PKD1: variants seen among roughly 807,000 people sequenced by gnomAD.
PKD1 encodes polycystin 1, transient receptor potential channel interacting.
In PKD1, 81 loss-of-function variants were observed where a neutral mutation model predicts 361.7. The ratio of observed to expected loss-of-function variants is 0.22; its 90% CI spans 0.19 to 0.27. PKD1 has a LOEUF of 0.27. PKD1 is among the 10% of genes least tolerant of loss of function. PKD1 has a pLI of 1.00. For missense variants in PKD1, 6,399 were observed against 6,118.3 expected (o/e 1.05, Z -1.53); for synonymous variants, 3,615 against 2,818.3 (o/e 1.28, Z -8.95).
chr16:2,118,666 C>T lies in PKD1; in HGVS notation c.529+10G>A, dbSNP rs548778512. ...GAAGGACAGAGCTGGCCCCACCCACCGGCACTCACCACAGCCACTGTCCAG... is the reference window on the plus strand; with the variant it reads ...GAAGGACAGAGCTGGCCCCACCCACTGGCACTCACCACAGCCACTGTCCAG... On this transcript the variant is annotated intron_variant, in intron 4 of 45. Transcript: ENST00000262304. This position sits in a 1 kb window ranked among gnomAD's most constrained non-coding sequence, Gnocchi z 6.0. 1.0e-4 allele frequency: 138 copies of T among 1,382,164 alleles called. No homozygotes were observed. The highest frequency in any genetic ancestry group is 1.3e-4 in the Non-Finnish European group (127 of 1,005,998). The allele number at this position is 1,382,164 out of a possible 1,614,324, so 85.6% of individuals were successfully genotyped here.
At position 2,103,909 on chromosome 16, in the gene PKD1, T is replaced by C. The variant is rs962962096; in HGVS notation, c.8162-14A>G. On this transcript the variant is annotated splice_polypyrimidine_tract_variant and intron_variant, in intron 22 of 45. Transcript: ENST00000262304. Reference sequence around the variant, plus strand: ...GGATGAGGTCTCCTGCAGACATGCGTGAGGTCAGTGCAGAGACAGGGAGGT... The same window carrying C: ...GGATGAGGTCTCCTGCAGACATGCGCGAGGTCAGTGCAGAGACAGGGAGGT... The C allele has an allele frequency of 6.8e-6, 10 of 1,469,168 alleles. No individual in the cohort carries two copies. The highest frequency in any genetic ancestry group is 9.0e-6 in the Non-Finnish European group (10 of 1,112,492). The allele number at this position is 1,469,168 out of a possible 1,614,324, so 91.0% of individuals were successfully genotyped here.
At chr16:2,099,260 C>T (rs2091985230) in intron 30 of PKD1, 3 of 358,066 alleles carry the variant, frequency 8.4e-6, no homozygotes, top group South Asian at 6.4e-5. Context: ...CCACACCCGG[C>T]CCGGCCACTG....
rs116820407 is a variant in PKD1 at position 2,089,778 on chromosome 16, G to T, written c.12861C>A (p.Pro4287=). 7.5e-6 allele frequency: 12 copies of T among 1,597,774 alleles called. No homozygotes were observed. The Admixed American group carries it at 1.0e-4, about 14-fold the overall frequency. ...TCTTGGCCCGAAGGGGTGTCCTGCT[G>T]GGGCCAGTGGCCAGGTCCACACCCC... ...ASRGVDLATG[P]SRTPLRAKNK... is the part of the protein sequence containing the mutation. The change falls in exon 46 of 46, where the codon CCC becomes CCA. Residue 4287 remains proline (P), a synonymous_variant. Coordinates refer to ENST00000262304, the MANE Select transcript of PKD1 (RefSeq NM_001009944.3).
In PKD1 at chr16:2,089,001, T is replaced by C. The variant is rs1472816591; in HGVS notation, c.*726A>G. 8 of 247,212 alleles carry C rather than the reference T, an allele frequency of 3.2e-5. No individual in the cohort carries two copies. The highest frequency in any genetic ancestry group is 6.4e-5 in the Non-Finnish European group (8 of 125,110). The allele number at this position is 247,212 out of a possible 1,614,324, so 15.3% of individuals were successfully genotyped here. On this transcript the variant is annotated 3_prime_UTR_variant, in exon 46 of 46. Coordinates refer to ENST00000262304, the MANE Select transcript of PKD1 (RefSeq NM_001009944.3). ...CCTAGTCCTGCTACTTGCCCAGACCTGATGCCAGCAGGCCTGGGCGCTGCT... is the reference window on the plus strand; with the variant it reads ...CCTAGTCCTGCTACTTGCCCAGACCCGATGCCAGCAGGCCTGGGCGCTGCT...
chr16:2,110,743 C>T lies in PKD1; in HGVS notation c.4424G>A (p.Gly1475Asp). ...PVLVTSIKVN[G>D]SLGLELQQPY... ...CTGCTGCAGCTCCAGCCCAAGGGAGCCATTGACCTTGATGCTGGTGACCAG... is the reference window on the plus strand; with the variant it reads ...CTGCTGCAGCTCCAGCCCAAGGGAGTCATTGACCTTGATGCTGGTGACCAG... The change falls in exon 15 of 46, where the codon GGC (glycine) becomes GAC (aspartate). Residue 1475 changes from glycine to aspartate, a missense_variant. By Grantham distance (94) the Gly-to-Asp change is moderately conservative (BLOSUM62 -1). Transcript: ENST00000262304. 1 of 1,610,422 alleles carries T rather than the reference C, an allele frequency of 6.2e-7. No homozygotes were observed. The highest frequency in any genetic ancestry group is 1.3e-5 in the African/African-American group (1 of 74,980).
Position 2,110,476 on chromosome 16 carries a change from C to G in PKD1, c.4691G>C (p.Gly1564Ala), listed in dbSNP as rs1310400744. 1 of 1,612,510 alleles carries G rather than the reference C, an allele frequency of 6.2e-7. No homozygotes were observed. ...NASRTVVPLN[G>A]SVSFSTSLEA... ...CAGCGACGTGCTGAAGCTCACGCTCCCATTCAGGGGCACCACCGTGCGGCT... is the reference window on the plus strand; with the variant it reads ...CAGCGACGTGCTGAAGCTCACGCTCGCATTCAGGGGCACCACCGTGCGGCT... Residue 1564 changes from glycine to alanine, a missense_variant, in exon 15 of 46, where the codon GGG becomes GCG. By Grantham distance (60) the Gly-to-Ala change is moderately conservative. Coordinates refer to ENST00000262304, the MANE Select transcript of PKD1 (RefSeq NM_001009944.3).
At position 2,119,188 on chromosome 16, in the gene PKD1, G is replaced by A. The variant is rs761782478; in HGVS notation, c.288-3C>T. Reference sequence around the variant, plus strand: ...AAATCTTGTTGTTGCTTATATCCCTGGAAGAGACGGGGGATTCGGCAAAGC... The same window carrying A: ...AAATCTTGTTGTTGCTTATATCCCTAGAAGAGACGGGGGATTCGGCAAAGC... On this transcript the variant is annotated splice_region_variant and splice_polypyrimidine_tract_variant and intron_variant, in intron 2 of 45. Coordinates refer to ENST00000262304, the MANE Select transcript of PKD1 (RefSeq NM_001009944.3). 1.9e-6 allele frequency: 3 copies of A among 1,556,600 alleles called. No homozygotes were observed. The highest frequency in any genetic ancestry group is 1.1e-5 in the South Asian group (1 of 89,868).
chr16:2,091,311 G>GCTGCGAGGGCGGGGCC (rs2091545784), intron 42 of PKD1, 112 bp downstream of exon 42: 1 of 429,190 alleles, frequency 2.3e-6, no homozygotes, highest in African/African-American at 2.8e-5. Context: ...GGGGCGGGAC[G>GCTGCGAGGGCGGGGCC]CTGCGAGGGG....
intron 10 of PKD1, 186 bp from the exon 11 acceptor site, chr16:2,115,111 A>C: frequency 1.0e-6 from 1 of 982,064 alleles, no homozygotes. Context: ...CGGGGAGAGG[A>C]CACAGGCCAA....
In PKD1 at chr16:2,126,196, C is replaced by T. The variant is rs570088023; in HGVS notation, c.216-6818G>A. Among the ~76,000 whole-genome samples, 507 of 152,358 alleles carry T rather than the reference C, an allele frequency of 3.3e-3. 5 individuals carry two copies. Among genetic ancestry groups the T allele is most frequent in the African/African-American group, 0.011 (467 of 41,584 alleles). On this transcript the variant is annotated intron_variant, in intron 1 of 45. Transcript: ENST00000262304. ...ATGCACAGTGGACGGGCTCAGAACC[C>T]GGAGCCCCTGTACTCCCACAGCTGT...
In PKD1 at chr16:2,110,539, G is replaced by C; in HGVS notation, c.4628C>G (p.Thr1543Arg). ...GAGCCCCCGCACGCGCCGCTTCACC[G>C]TCACATTGAGCCAGGCCTCGCTGCG... is the stretch of plus-strand genomic sequence containing the variant. The part of the protein sequence containing the change: ...VSRSEAWLNV[T>R]VKRRVRGLVV... The change falls in exon 15 of 46, where the codon ACG (threonine) becomes AGG (arginine). Residue 1543 changes from threonine (T) to arginine (R), a missense_variant. Transcript: ENST00000262304. 1 of 1,611,630 alleles carries C rather than the reference G, an allele frequency of 6.2e-7. No homozygotes were observed.
chr16:2,124,608 CAG>C (rs2092770589), intron 1 of PKD1, among the ~76,000 whole-genome samples: 1 of 152,238 alleles, frequency 6.6e-6, no homozygotes, highest in African/African-American at 2.4e-5. Context: ...AGACCTGCCT[CAG>C]AGTCTCACAC....
chr16:2,093,212 G>T, intron 37 of PKD1, 119 bp from the exon 38 acceptor site: 1 of 1,261,594 alleles, frequency 7.9e-7, no homozygotes, highest in South Asian at 1.2e-5. Flanking sequence ...GAGCTGGCAG[G>T]GGGCGCCCCA....
rs191690229 is a variant in PKD1, at chr16:2,114,053, C to T, written c.2853+117G>A. 1.9e-3 allele frequency: 1,666 copies of T among 895,662 alleles called. 11 individuals carry two copies. In the African/African-American group the frequency reaches 0.024, roughly 13 times the overall value. 55.5% of individuals were successfully genotyped at this position (895,662 alleles called of 1,614,324 possible). On this transcript the variant is annotated intron_variant, in intron 11 of 45. Transcript: ENST00000262304. Reference sequence around the variant, plus strand: ...GCCAGCAGGACCTGCCCGGGGCCGACGTCCCCAGTAACTGGGCTGCTGCCC... The same window carrying T: ...GCCAGCAGGACCTGCCCGGGGCCGATGTCCCCAGTAACTGGGCTGCTGCCC...
chr16:2,099,622 C>T (rs747989916), intron 30 of PKD1, 22 bp downstream of exon 30: 21 of 1,578,788 alleles, frequency 1.3e-5, no homozygotes, highest in African/African-American at 2.7e-5. Flanking sequence ...CCAGTACTCC[C>T]GGGTCCCCAG....
Position 2,090,388 on chromosome 16 carries a change from C to T in PKD1, c.12341G>A (p.Arg4114His), listed in dbSNP as rs776140570. ...CCAGGCCGGCCGGTACAGCTCTCCACGCAAGGCGTGGTAGCGCCAGCGGAG... is the reference window on the plus strand; with the variant it reads ...CCAGGCCGGCCGGTACAGCTCTCCATGCAAGGCGTGGTAGCGCCAGCGGAG... ...VILRWRYHALRGELYRPAWEP... is the reference protein window; with the variant it reads ...VILRWRYHALHGELYRPAWEP... The change falls in exon 45 of 46, where the codon CGT (arginine) becomes CAT (histidine). Residue 4114 changes from arginine (R) to histidine (H), a missense_variant. Transcript: ENST00000262304. 6.2e-6 allele frequency: 10 copies of T among 1,612,684 alleles called. No individual in the cohort carries two copies. The South Asian group carries it at 6.6e-5, about 11-fold the overall frequency.
At chr16:2,092,839 C>T (rs1237058267) in intron 38 of PKD1, 115 bp downstream of exon 38, 6 of 1,304,944 alleles carry the variant, frequency 4.6e-6, no homozygotes, top group South Asian at 2.4e-5. Context: ...GCACCTACCT[C>T]CAGTTCTAGC....
intron 21 of PKD1, 145 bp downstream of exon 21, chr16:2,105,177 G>C: frequency 1.2e-6 from 1 of 815,880 alleles, no homozygotes; most frequent in Non-Finnish European, 2.0e-6. Context: ...TACTGAAGCA[G>C]GTCAGAGACC....
In PKD1 at chr16:2,112,859, C is replaced by T. The variant is rs778132640; in HGVS notation, c.3090G>A (p.Val1030=). ...QGLQVSTVPA[V]LSPNATLALT... ...GTGCTAGCGTGGCATTGGGGGACAGCACGGCCGGCACTGTGGAGACCTGCA... is the reference window on the plus strand; with the variant it reads ...GTGCTAGCGTGGCATTGGGGGACAGTACGGCCGGCACTGTGGAGACCTGCA... Residue 1030 remains valine, a synonymous_variant, in exon 13 of 46, where the codon GTG becomes GTA. Transcript: ENST00000262304. 2 of 1,605,972 alleles carry T rather than the reference C, an allele frequency of 1.2e-6. No individual in the cohort carries two copies. Among genetic ancestry groups the T allele is most frequent in the Non-Finnish European group, 1.7e-6 (2 of 1,179,686 alleles).
Sources: allele counts gnomAD v4.1 joint callset (sites outside exome capture counted in the v4.1 genomes callset), GRCh38; gene constraint gnomAD v4.1.1; non-coding constraint Gnocchi (gnomAD v3.1); transcripts MANE v1.5; gene names NCBI Gene and HGNC (gene_info 2026-07-23, HGNC 2026-07-21).